Variants in TACC2 observed in about 807,000 individuals in gnomAD.
TACC2 encodes transforming acidic coiled-coil containing protein 2, also known as transforming acidic coiled-coil-containing protein 2.
A neutral mutation model predicts 227.3 loss-of-function variants in TACC2; 137 were observed. The observed-to-expected ratio is 0.60, with a 90% CI of 0.52 to 0.69. The LOEUF (loss-of-function observed/expected upper bound fraction) is 0.69. TACC2 is among the 30% of genes least tolerant of loss of function. The pLI is 0.00. For missense variants in TACC2, 3,470 were observed against 3,694.4 expected (o/e 0.94, Z 1.57); for synonymous variants, 1,523 against 1,487.5 (o/e 1.02, Z -0.55).
intron 7 of TACC2, chr10:122,163,500 C>G: frequency 1.1e-6 from 1 of 934,474 alleles, no homozygotes; most frequent in South Asian, 4.9e-5. Flanking sequence ...AGCCCCGTTT[C>G]CGGAGCCCGC....
rs990715086 is a variant in TACC2 at position 122,096,564 on chromosome 10, T to C, written c.5573+7973T>C. ...ATACAAAATTCGCTGGGCAGGGTGG[T>C]GCATGCCTATAATCCCAGCTACACA... On this transcript the variant is annotated intron_variant, in intron 5 of 22. Transcript: ENST00000369005. Among the ~76,000 whole-genome samples the C allele has an allele frequency of 5.9e-5, 9 of 151,748 alleles. No individual in the cohort carries two copies. The South Asian group carries it at 8.3e-4, about 14-fold the overall frequency.
chr10:121,989,759 T>C (rs1305417693), intron 1 of TACC2, among the ~76,000 whole-genome samples: 1 of 152,126 alleles, frequency 6.6e-6, no homozygotes, highest in South Asian at 2.1e-4. Flanking sequence ...ATTTTATTTT[T>C]TTTTTTTATG....
intron 8 of TACC2, among the ~76,000 whole-genome samples, chr10:122,204,863 T>G (rs1593316596): frequency 1.3e-5 from 2 of 148,824 alleles, no homozygotes; most frequent in Admixed American, 6.7e-5. Context: ...ATGCTCTAGG[T>G]GGAGCCAGGA....
At chr10:122,152,837 G>C (rs1249092188) in intron 7 of TACC2, among the ~76,000 whole-genome samples, 1 of 152,164 alleles carries the variant, frequency 6.6e-6, no homozygotes, top group East Asian at 1.9e-4. Context: ...AGGGTGGAGA[G>C]CAACATAATA....
At chr10:122,020,567 G>A (rs1957210023) in intron 1 of TACC2, among the ~76,000 whole-genome samples, 1 of 152,120 alleles carries the variant, frequency 6.6e-6, no homozygotes, top group African/African-American at 2.4e-5. Context: ...CAAGTCAATG[G>A]GTGAATTTTA....
chr10:122,154,802 C>T (rs547850439), intron 7 of TACC2, among the ~76,000 whole-genome samples: 1 of 152,312 alleles, frequency 6.6e-6, no homozygotes, highest in African/African-American at 2.4e-5. Context: ...AGGCGCGCAC[C>T]CACCCACGCT....
intron 7 of TACC2, among the ~76,000 whole-genome samples, chr10:122,193,477 C>T (rs1299436116): frequency 2.6e-5 from 4 of 152,110 alleles, no homozygotes; most frequent in African/African-American, 7.2e-5. Flanking sequence ...TTTGGAAGCT[C>T]AGCAACGTGA....
intron 22 of TACC2, among the ~76,000 whole-genome samples, chr10:122,250,541 C>T (rs550184098): frequency 6.6e-6 from 1 of 152,300 alleles, no homozygotes; most frequent in African/African-American, 2.4e-5. Context: ...AGGGGATTGG[C>T]TGTCCTCCTT....
intron 22 of TACC2, among the ~76,000 whole-genome samples, chr10:122,250,297 C>A (rs1388155962): frequency 3.3e-5 from 5 of 152,174 alleles, no homozygotes; most frequent in Non-Finnish European, 7.4e-5. Context: ...AGCCTCCCTC[C>A]TTGGATGTGT....
At chr10:122,031,089 G>A (rs1958892935) in intron 2 of TACC2, among the ~76,000 whole-genome samples, 2 of 152,090 alleles carry the variant, frequency 1.3e-5, no homozygotes, top group African/African-American at 4.8e-5. Context: ...TGGCCATTTA[G>A]CCTTCCAAAT....
At chr10:122,125,823 C>A (rs2086735077) in intron 5 of TACC2, among the ~76,000 whole-genome samples, 1 of 143,514 alleles carries the variant, frequency 7.0e-6, no homozygotes, top group South Asian at 2.2e-4. Context: ...GTTGTCCAGG[C>A]TGGAGTGCAG....
intron 11 of TACC2, among the ~76,000 whole-genome samples, chr10:122,220,873 A>G (rs1217556966): frequency 6.6e-6 from 1 of 152,202 alleles, no homozygotes; most frequent in Non-Finnish European, 1.5e-5. Flanking sequence ...GAACAAGGAT[A>G]CAGAGGCTTG....
At chr10:122,067,141 T>G (rs148413801) in intron 3 of TACC2, among the ~76,000 whole-genome samples, 1,673 of 152,338 alleles carry the variant, frequency 0.011, 10 homozygotes, top group Non-Finnish European at 0.016. Context: ...TGTTCTTTAT[T>G]CTGTTGTGTA....
chr10:122,252,414 G>A (rs759349787), intron 22 of TACC2, among the ~76,000 whole-genome samples: 1 of 152,110 alleles, frequency 6.6e-6, no homozygotes, highest in African/African-American at 2.4e-5. Context: ...GCAGCTCACG[G>A]TGGGCACTCC....
intron 16 of TACC2, among the ~76,000 whole-genome samples, chr10:122,232,698 T>C (rs1054730820): frequency 1.3e-5 from 2 of 152,202 alleles, no homozygotes; most frequent in Non-Finnish European, 2.9e-5. Context: ...ATGGTGTTCC[T>C]GTAGCTACCC....
chr10:121,992,815 C>T (rs886208616), intron 1 of TACC2, among the ~76,000 whole-genome samples: 12 of 151,954 alleles, frequency 7.9e-5, no homozygotes, highest in Admixed American at 4.6e-4. Flanking sequence ...ATTAGCCAGG[C>T]GTGGCAGTGG....
chr10:122,208,819 C>G (rs1318453945), intron 8 of TACC2, among the ~76,000 whole-genome samples: 3 of 152,212 alleles, frequency 2.0e-5, no homozygotes, highest in Admixed American at 6.5e-5. Context: ...CCGTTTACTC[C>G]TCATTCTGCA....
At chr10:122,192,651 G>T (rs1315099841) in intron 7 of TACC2, 1 of 455,568 alleles carries the variant, frequency 2.2e-6, no homozygotes, top group Non-Finnish European at 4.4e-6. Flanking sequence ...GTGGGAATTT[G>T]GGGGACAGAG....
rs1017350039 is a variant in TACC2 at position 122,150,868 on chromosome 10, A to G, written c.5834+7162A>G. On this transcript the variant is annotated intron_variant, in intron 7 of 22. Coordinates refer to ENST00000369005, the MANE Select transcript of TACC2 (RefSeq NM_206862.4). This position sits in a 1 kb window ranked among gnomAD's most constrained non-coding sequence, Gnocchi z 4.0. ...TGCCAGCCAGCCTCTCGGCAGATAC[A>G]TCCCGGTTGATTCTATGCCACGGAC... Among the ~76,000 whole-genome samples, 1 of 152,164 alleles carries G rather than the reference A, an allele frequency of 6.6e-6. No individual in the cohort carries two copies. The highest frequency in any genetic ancestry group is 1.5e-5 in the Non-Finnish European group (1 of 68,030).
Sources: gnomAD v4.1 joint callset for allele counts (sites outside exome capture counted in the v4.1 genomes callset) on GRCh38, gnomAD v4.1.1 for gene constraint, Gnocchi (gnomAD v3.1) non-coding constraint, MANE v1.5 for transcripts, NCBI Gene and HGNC (gene_info 2026-07-23, HGNC 2026-07-21) for gene names.